PCDHB7: variants seen among roughly 807,000 people sequenced by gnomAD.
PCDHB7 encodes protocadherin beta-7.
For synonymous variants in PCDHB7, 542 were observed against 463.1 expected (o/e 1.17, Z -2.19); for missense variants, 1,148 against 1,011.6 (o/e 1.13, Z -1.83).
chr5:141,175,050 G>A lies in PCDHB7; in HGVS notation c.2215G>A (p.Gly739Ser), dbSNP rs374878755. The change falls in exon 1 of 1, where the codon GGC becomes AGC. Residue 739 changes from glycine to serine, a missense_variant. Transcript: ENST00000231137. ...PFPRHLVDLSGTGTLSQSYQY... is the reference protein window; with the variant it reads ...PFPRHLVDLSSTGTLSQSYQY... The stretch of plus-strand genomic sequence containing the variant: ...TCCACGACATCTGGTGGACTTGAGC[G>A]GCACCGGGACCCTATCCCAGAGCTA... 7.4e-5 allele frequency: 119 copies of A among 1,613,902 alleles called. No individual in the cohort carries two copies. Among genetic ancestry groups the A allele is most frequent in the Non-Finnish European group, 7.9e-5 (93 of 1,179,904 alleles).
In PCDHB7 at chr5:141,173,923, C is replaced by T. The variant is rs1554280089; in HGVS notation, c.1088C>T (p.Thr363Ile). ...TSPIAENSPE[T>I]VVAVFRIRDR... ...CCAATTGCAGAAAACTCACCCGAGACAGTCGTGGCTGTTTTTAGGATTAGA... is the reference window on the plus strand; with the variant it reads ...CCAATTGCAGAAAACTCACCCGAGATAGTCGTGGCTGTTTTTAGGATTAGA... Residue 363 changes from threonine (T) to isoleucine (I), a missense_variant, in exon 1 of 1, where the codon ACA (threonine) becomes ATA (isoleucine). Thr to Ile is a moderately conservative substitution (Grantham distance 89). Coordinates refer to ENST00000231137, the MANE Select transcript of PCDHB7 (RefSeq NM_018940.4). 2 of 1,612,576 alleles carry T rather than the reference C, an allele frequency of 1.2e-6. No individual in the cohort carries two copies. Among genetic ancestry groups the T allele is most frequent in the African/African-American group, 2.7e-5 (2 of 74,876 alleles).
Position 141,174,590 on chromosome 5 carries a change from G to C in PCDHB7, c.1755G>C (p.Leu585=). The part of the protein sequence containing the change: ...PLPRAAEPGY[L]VTKVVAVDGD... ...CCCGGGCGGCCGAGCCGGGCTACCT[G>C]GTGACCAAGGTGGTGGCGGTGGACG... Residue 585 remains leucine (L), a synonymous_variant, in exon 1 of 1, where the codon CTG becomes CTC. Coordinates refer to ENST00000231137, the MANE Select transcript of PCDHB7 (RefSeq NM_018940.4). The C allele has an allele frequency of 6.2e-7, 1 of 1,610,498 alleles. No individual in the cohort carries two copies. Among genetic ancestry groups the C allele is most frequent in the Non-Finnish European group, 8.5e-7 (1 of 1,179,634 alleles).
At position 141,175,563 on chromosome 5, in the gene PCDHB7, A is replaced by G; in HGVS notation, c.*346A>G. 1 of 308,112 alleles carries G rather than the reference A, an allele frequency of 3.2e-6. No homozygotes were observed. Among genetic ancestry groups the G allele is most frequent in the East Asian group, 9.4e-5 (1 of 10,640 alleles). 19.1% of individuals were successfully genotyped at this position (308,112 alleles called of 1,614,324 possible). A position where few individuals can be genotyped will look rare whatever the true frequency, so the allele number is the denominator to read the frequency against. ...GTATGAGTGTACCTACCCTAGTCTCAGAAGCATAGACTGTAGAGTATCTTT... is the reference window on the plus strand; with the variant it reads ...GTATGAGTGTACCTACCCTAGTCTCGGAAGCATAGACTGTAGAGTATCTTT... On this transcript the variant is annotated 3_prime_UTR_variant, in exon 1 of 1. Coordinates refer to ENST00000231137, the MANE Select transcript of PCDHB7 (RefSeq NM_018940.4).
At position 141,174,329 on chromosome 5, in the gene PCDHB7, G is replaced by T; in HGVS notation, c.1494G>T (p.Leu498=). The T allele has an allele frequency of 1.2e-6, 2 of 1,612,938 alleles. No homozygotes were observed. Among genetic ancestry groups the T allele is most frequent in the Non-Finnish European group, 1.7e-6 (2 of 1,179,900 alleles). Residue 498 remains leucine (L), a synonymous_variant, in exon 1 of 1, where the codon CTG becomes CTT. Transcript: ENST00000231137. ...TGCTGCCGTCCCAGGACCCGCACCT[G>T]CCCCTCGCCTCCCTGGTCTCCATCA... The part of the protein sequence containing the change: ...YSLLPSQDPH[L]PLASLVSINA...
chr5:141,172,917 G>T lies in PCDHB7; in HGVS notation c.82G>T (p.Ala28Ser). The T allele has an allele frequency of 6.2e-7, 1 of 1,614,194 alleles. No homozygotes were observed. Among genetic ancestry groups the T allele is most frequent in the Non-Finnish European group, 8.5e-7 (1 of 1,180,032 alleles). ...ATTTCTGGGAATGTCTTGGGCTGGC[G>T]CCGAACCGCTTCGGTATTTTGTGGC... ...CVFLGMSWAG[A>S]EPLRYFVAEE... Residue 28 changes from alanine to serine, a missense_variant, in exon 1 of 1, where the codon GCC becomes TCC. By Grantham distance (99) the Ala-to-Ser change is moderately conservative. Coordinates refer to ENST00000231137, the MANE Select transcript of PCDHB7 (RefSeq NM_018940.4).
Position 141,174,206 on chromosome 5 carries a change from C to A in PCDHB7, c.1371C>A (p.Thr457=). The stretch of plus-strand genomic sequence containing the variant: ...CCGCCTTCACCCAAACCTCCTACAC[C>A]CTGTTTGTCCGTGAGAACAACAGCC... ...NAPAFTQTSY[T]LFVRENNSPA... is the part of the protein sequence containing the mutation. The change falls in exon 1 of 1, where the codon ACC becomes ACA. Residue 457 remains threonine (T), a synonymous_variant. Transcript: ENST00000231137. 2 of 1,613,428 alleles carry A rather than the reference C, an allele frequency of 1.2e-6. No individual in the cohort carries two copies. The highest frequency in any genetic ancestry group is 1.7e-6 in the Non-Finnish European group (2 of 1,180,048).
At position 141,173,238 on chromosome 5, in the gene PCDHB7, G is replaced by C. The variant is rs782088586; in HGVS notation, c.403G>C (p.Asp135His). The C allele has an allele frequency of 6.2e-7, 1 of 1,614,024 alleles. No individual in the cohort carries two copies. Among genetic ancestry groups the C allele is most frequent in the African/African-American group, 1.3e-5 (1 of 74,914 alleles). ...DINDHAPVFL[D>H]REISLKILES... ...CAATGATCACGCTCCAGTATTTCTA[G>C]ACAGAGAGATTTCCTTGAAAATATT... The change falls in exon 1 of 1, where the codon GAC becomes CAC. Residue 135 changes from aspartate to histidine, a missense_variant. Coordinates refer to ENST00000231137, the MANE Select transcript of PCDHB7 (RefSeq NM_018940.4).
Position 141,174,520 on chromosome 5 carries a change from T to G in PCDHB7, c.1685T>G (p.Leu562Arg). Reference protein sequence around the residue: ...LDANDNSPFVLYPLQNSSAPC... With the variant: ...LDANDNSPFVRYPLQNSSAPC... ...GCCAACGACAACTCGCCCTTCGTGCTGTACCCGCTGCAGAACAGCTCCGCG... is the reference window on the plus strand; with the variant it reads ...GCCAACGACAACTCGCCCTTCGTGCGGTACCCGCTGCAGAACAGCTCCGCG... Residue 562 changes from leucine (L) to arginine (R), a missense_variant, in exon 1 of 1, where the codon CTG becomes CGG. Coordinates refer to ENST00000231137, the MANE Select transcript of PCDHB7 (RefSeq NM_018940.4). 1.2e-6 allele frequency: 2 copies of G among 1,610,684 alleles called. No individual in the cohort carries two copies. The highest frequency in any genetic ancestry group is 1.7e-6 in the Non-Finnish European group (2 of 1,179,632).
Position 141,174,412 on chromosome 5 carries a change from C to T in PCDHB7, c.1577C>T (p.Ala526Val), listed in dbSNP as rs373682476. ...TCCCTGGACTACGAGGCCCTGCAGG[C>T]GTTCGAGTTCCGCGTGGGCGCCACA... ...LRSLDYEALQ[A>V]FEFRVGATDR... Residue 526 changes from alanine (A) to valine (V), a missense_variant, in exon 1 of 1, where the codon GCG becomes GTG. Coordinates refer to ENST00000231137, the MANE Select transcript of PCDHB7 (RefSeq NM_018940.4). 9 of 1,612,198 alleles carry T rather than the reference C, an allele frequency of 5.6e-6. No individual in the cohort carries two copies. Among genetic ancestry groups the T allele is most frequent in the South Asian group, 2.2e-5 (2 of 91,010 alleles).
chr5:141,173,171 A>T lies in PCDHB7; in HGVS notation c.336A>T (p.Lys112Asn). Reference sequence around the variant, plus strand: ...TGCCTTTCCAGTTGTTATTGGAAAAACCTTTTCAGATTTTCCGTGCTGAAC... The same window carrying T: ...TGCCTTTCCAGTTGTTATTGGAAAATCCTTTTCAGATTTTCCGTGCTGAAC... Reference protein sequence around the residue: ...CVLPFQLLLEKPFQIFRAELW... With the variant: ...CVLPFQLLLENPFQIFRAELW... The change falls in exon 1 of 1, where the codon AAA becomes AAT. Residue 112 changes from lysine to asparagine, a missense_variant. By Grantham distance (94) the Lys-to-Asn change is moderately conservative (BLOSUM62 0). Transcript: ENST00000231137. 2 of 1,613,638 alleles carry T rather than the reference A, an allele frequency of 1.2e-6. No individual in the cohort carries two copies. Among genetic ancestry groups the T allele is most frequent in the Non-Finnish European group, 1.7e-6 (2 of 1,179,784 alleles).
chr5:141,173,293 T>G lies in PCDHB7; in HGVS notation c.458T>G (p.Leu153Arg), dbSNP rs200662090. The G allele has an allele frequency of 1.5e-4, 235 of 1,613,968 alleles. No individual in the cohort carries two copies. Among genetic ancestry groups the G allele is most frequent in the Non-Finnish European group, 1.9e-4 (229 of 1,179,982 alleles). The change falls in exon 1 of 1, where the codon CTC (leucine) becomes CGC (arginine). Residue 153 changes from leucine (L) to arginine (R), a missense_variant. Transcript: ENST00000231137. ...LESTTPGAAF[L>R]LESAQDSDVG... is the part of the protein sequence containing the mutation. ...AGTACCACTCCAGGGGCGGCATTTC[T>G]CCTAGAGAGTGCACAGGATTCAGAT...
Position 141,175,359 on chromosome 5 carries a change from G to T in PCDHB7, c.*142G>T. 1.0e-6 allele frequency: 1 copy of T among 977,932 alleles called. No individual in the cohort carries two copies. Among genetic ancestry groups the T allele is most frequent in the Non-Finnish European group, 1.5e-6 (1 of 675,426 alleles). 60.6% of individuals were successfully genotyped at this position (977,932 alleles called of 1,614,324 possible). A position where few individuals can be genotyped will look rare whatever the true frequency, so the allele number is the denominator to read the frequency against. On this transcript the variant is annotated 3_prime_UTR_variant, in exon 1 of 1. Transcript: ENST00000231137. ...CAATAAATTTCTATACATAAAATAG[G>T]ATCCTGATTTAGTATCAAGAACCCT...
Position 141,174,549 on chromosome 5 carries a change from T to C in PCDHB7, c.1714T>C (p.Cys572Arg). The C allele has an allele frequency of 1.2e-6, 2 of 1,610,130 alleles. No homozygotes were observed. The highest frequency in any genetic ancestry group is 1.7e-6 in the Non-Finnish European group (2 of 1,179,620). The change falls in exon 1 of 1, where the codon TGC becomes CGC. Residue 572 changes from cysteine (C) to arginine (R), a missense_variant. Transcript: ENST00000231137. ...CCCGCTGCAGAACAGCTCCGCGCCCTGCACCGAGCCGTTGCCCCGGGCGGC... is the reference window on the plus strand; with the variant it reads ...CCCGCTGCAGAACAGCTCCGCGCCCCGCACCGAGCCGTTGCCCCGGGCGGC... ...LYPLQNSSAP[C>R]TEPLPRAAEP...
In PCDHB7 at chr5:141,174,423, C is replaced by G. The variant is rs782375104; in HGVS notation, c.1588C>G (p.Arg530Gly). 1.9e-6 allele frequency: 3 copies of G among 1,612,024 alleles called. No individual in the cohort carries two copies. Among genetic ancestry groups the G allele is most frequent in the Non-Finnish European group, 2.5e-6 (3 of 1,179,776 alleles). ...CGAGGCCCTGCAGGCGTTCGAGTTC[C>G]GCGTGGGCGCCACAGACCGCGGCTC... The part of the protein sequence containing the change: ...DYEALQAFEF[R>G]VGATDRGSPA... The change falls in exon 1 of 1, where the codon CGC (arginine) becomes GGC (glycine). Residue 530 changes from arginine to glycine, a missense_variant. Arg to Gly is a moderately radical substitution (Grantham distance 125, BLOSUM62 -2). Coordinates refer to ENST00000231137, the MANE Select transcript of PCDHB7 (RefSeq NM_018940.4).
Position 141,175,990 on chromosome 5 carries a change from A to G in PCDHB7, c.*773A>G, listed in dbSNP as rs1554280603. ...TTTTCTGGGTCAATTTTCAACTATTATTACTAATGCTCTGATCTGTCCAAA... is the reference window on the plus strand; with the variant it reads ...TTTTCTGGGTCAATTTTCAACTATTGTTACTAATGCTCTGATCTGTCCAAA... On this transcript the variant is annotated 3_prime_UTR_variant, in exon 1 of 1. Transcript: ENST00000231137. The G allele has an allele frequency of 6.0e-6, 1 of 167,260 alleles. No individual in the cohort carries two copies. The highest frequency in any genetic ancestry group is 2.4e-5 in the African/African-American group (1 of 41,472). 10.4% of individuals were successfully genotyped at this position (167,260 alleles called of 1,614,324 possible).
In PCDHB7 at chr5:141,175,571, A is replaced by G; in HGVS notation, c.*354A>G. On this transcript the variant is annotated 3_prime_UTR_variant, in exon 1 of 1. Coordinates refer to ENST00000231137, the MANE Select transcript of PCDHB7 (RefSeq NM_018940.4). The stretch of plus-strand genomic sequence containing the variant: ...GTACCTACCCTAGTCTCAGAAGCAT[A>G]GACTGTAGAGTATCTTTTTAAGCAT... 1 of 284,044 alleles carries G rather than the reference A, an allele frequency of 3.5e-6. No individual in the cohort carries two copies. Among genetic ancestry groups the G allele is most frequent in the Non-Finnish European group, 6.7e-6 (1 of 148,644 alleles). The allele number at this position is 284,044 out of a possible 1,614,324, so 17.6% of individuals were successfully genotyped here. A position where few individuals can be genotyped will look rare whatever the true frequency, so the allele number is the denominator to read the frequency against.
In PCDHB7 at chr5:141,174,743, C is replaced by T. The variant is rs547571328; in HGVS notation, c.1908C>T (p.Ala636=). ...TARLLSERDA[A]KQRLVVLVKD... is the part of the protein sequence containing the mutation. Reference sequence around the variant, plus strand: ...GGCTGCTGAGCGAGCGCGACGCAGCCAAGCAGAGGCTGGTGGTGCTGGTCA... The same window carrying T: ...GGCTGCTGAGCGAGCGCGACGCAGCTAAGCAGAGGCTGGTGGTGCTGGTCA... The change falls in exon 1 of 1, where the codon GCC becomes GCT. Residue 636 remains alanine, a synonymous_variant. Coordinates refer to ENST00000231137, the MANE Select transcript of PCDHB7 (RefSeq NM_018940.4). The T allele has an allele frequency of 1.2e-6, 2 of 1,611,296 alleles. No individual in the cohort carries two copies. Among genetic ancestry groups the T allele is most frequent in the South Asian group, 1.1e-5 (1 of 90,994 alleles).
rs1382570782 is a variant in PCDHB7, at chr5:141,174,534, A to C, written c.1699A>C (p.Asn567His). The C allele has an allele frequency of 6.2e-7, 1 of 1,610,276 alleles. No individual in the cohort carries two copies. Among genetic ancestry groups the C allele is most frequent in the Non-Finnish European group, 8.5e-7 (1 of 1,179,620 alleles). The change falls in exon 1 of 1, where the codon AAC becomes CAC. Residue 567 changes from asparagine to histidine, a missense_variant. Coordinates refer to ENST00000231137, the MANE Select transcript of PCDHB7 (RefSeq NM_018940.4). Reference sequence around the variant, plus strand: ...GCCCTTCGTGCTGTACCCGCTGCAGAACAGCTCCGCGCCCTGCACCGAGCC... The same window carrying C: ...GCCCTTCGTGCTGTACCCGCTGCAGCACAGCTCCGCGCCCTGCACCGAGCC... ...NSPFVLYPLQ[N>H]SSAPCTEPLP...
In PCDHB7 at chr5:141,174,199, C is replaced by A; in HGVS notation, c.1364C>A (p.Ser455Tyr). ...NDNAPAFTQT[S>Y]YTLFVRENNS... Reference sequence around the variant, plus strand: ...AACGCTCCCGCCTTCACCCAAACCTCCTACACCCTGTTTGTCCGTGAGAAC... The same window carrying A: ...AACGCTCCCGCCTTCACCCAAACCTACTACACCCTGTTTGTCCGTGAGAAC... The change falls in exon 1 of 1, where the codon TCC becomes TAC. Residue 455 changes from serine to tyrosine, a missense_variant. By Grantham distance (144) the Ser-to-Tyr change is moderately radical. Coordinates refer to ENST00000231137, the MANE Select transcript of PCDHB7 (RefSeq NM_018940.4). 6.2e-7 allele frequency: 1 copy of A among 1,613,478 alleles called. No individual in the cohort carries two copies. Among genetic ancestry groups the A allele is most frequent in the Non-Finnish European group, 8.5e-7 (1 of 1,180,030 alleles).
Sources: gnomAD v4.1 joint callset for allele counts on GRCh38, gnomAD v4.1.1 for gene constraint, MANE v1.5 for transcripts, NCBI Gene and HGNC (gene_info 2026-07-23, HGNC 2026-07-21) for gene names.